Variants in CDH7 observed in about 807,000 individuals in gnomAD.
The protein encoded by CDH7 is cadherin-7.
CDH7 carries 25 observed loss-of-function variants against 71.8 expected under a neutral mutation model. The observed-to-expected ratio is 0.35, with a 90% CI of 0.25 to 0.49. The LOEUF (loss-of-function observed/expected upper bound fraction) is 0.49. Ranked by LOEUF, CDH7 falls within the 20% of genes least tolerant of loss-of-function variation. CDH7 has a pLI of 0.99. For missense variants in CDH7, 862 were observed against 974.6 expected (o/e 0.88, Z 1.54); for synonymous variants, 381 against 363.8 (o/e 1.05, Z -0.54).
At chr18:65,830,842 C>T (rs1384912750) in intron 6 of CDH7, among the ~76,000 whole-genome samples, 1 of 150,652 alleles carries the variant, frequency 6.6e-6, no homozygotes. Context: ...TAGCTCTTGG[C>T]TGTTTATTTT....
chr18:65,845,515 A>T (rs1247315669), intron 7 of CDH7, among the ~76,000 whole-genome samples: 1 of 152,092 alleles, frequency 6.6e-6, no homozygotes, highest in African/African-American at 2.4e-5. Context: ...ATACCAAGTT[A>T]TATTAATTGG....
chr18:65,841,365 A>T (rs1912725870), intron 6 of CDH7, among the ~76,000 whole-genome samples: 1 of 152,218 alleles, frequency 6.6e-6, no homozygotes, highest in African/African-American at 2.4e-5. Context: ...TTACTTGAAT[A>T]CAGAAATACT....
intron 7 of CDH7, among the ~76,000 whole-genome samples, chr18:65,855,567 A>AAAT (rs1358086108): frequency 2.6e-5 from 4 of 152,142 alleles, no homozygotes; most frequent in African/African-American, 9.7e-5. Flanking sequence ...TAGATAACCT[A>AAAT]AATAATCCCA....
intron 4 of CDH7, 34 bp downstream of exon 4, chr18:65,814,638 A>G (rs369508548): frequency 4.4e-6 from 7 of 1,581,004 alleles, no homozygotes; most frequent in South Asian, 2.3e-5. Context: ...TTGTAAAGTC[A>G]TCATTTGTTT....
rs200932522 is a variant in CDH7 at position 65,782,020 on chromosome 18, C to T, written c.210+18968C>T. The stretch of plus-strand genomic sequence containing the variant: ...TTTCTCTCTTTCTCTCTTTCTCTCT[C>T]TCTTTCTCCCTTCCTTCCTTCCTTC... On this transcript the variant is annotated intron_variant, in intron 2 of 11. Coordinates refer to ENST00000397968, the MANE Select transcript of CDH7 (RefSeq NM_004361.5). Among the ~76,000 whole-genome samples the T allele has an allele frequency of 7.9e-3, 368 of 46,754 alleles. 39 individuals are homozygous for T. Among genetic ancestry groups the T allele is most frequent in the African/African-American group, 0.011 (57 of 5,300 alleles). 30.7% of individuals were successfully genotyped at this position (46,754 alleles called of 152,430 possible).
At chr18:65,809,613 A>T (rs1911449405) in intron 2 of CDH7, 91 bp from the exon 3 acceptor site, 16 of 1,061,964 alleles carry the variant, frequency 1.5e-5, no homozygotes, top group Non-Finnish European at 2.8e-6. Context: ...AATTTCATGT[A>T]CTCCTGCCTG....
chr18:65,793,354 G>A (rs1170704978), intron 2 of CDH7, among the ~76,000 whole-genome samples: 1 of 150,968 alleles, frequency 6.6e-6, no homozygotes, highest in Non-Finnish European at 1.5e-5. Context: ...GATTGCTTGA[G>A]TCTGAGAGGT....
chr18:65,843,930 T>C lies in CDH7; in HGVS notation c.1100T>C (p.Ile367Thr), dbSNP rs760274593. 5.6e-6 allele frequency: 9 copies of C among 1,610,828 alleles called. No individual in the cohort carries two copies. The Admixed American group carries it at 8.4e-5, about 15-fold the overall frequency. ...PFSDTTTVKI[I>T]VEDVDEPPVF... ...AGTGACACGACAACTGTGAAGATAA[T>C]TGTGGAAGATGTAGATGAGCCCCCT... The change falls in exon 7 of 12, where the codon ATT becomes ACT. Residue 367 changes from isoleucine to threonine, a missense_variant. Transcript: ENST00000397968.
chr18:65,840,400 C>T (rs1479445890), intron 6 of CDH7, among the ~76,000 whole-genome samples: 1 of 86,572 alleles, frequency 1.2e-5, no homozygotes. Flanking sequence ...AGAGAAGCAG[C>T]GCTTTTTTTT....
intron 4 of CDH7, among the ~76,000 whole-genome samples, chr18:65,818,051 A>G (rs1435911356): frequency 1.3e-5 from 2 of 152,010 alleles, no homozygotes; most frequent in Non-Finnish European, 2.9e-5. Context: ...CTAAAATTCT[A>G]CAAATATGTA....
In CDH7 at chr18:65,885,713, T is replaced by C. The variant is rs899560808; in HGVS notation, c.*4819T>C. 1.3e-5 allele frequency: 2 copies of C among 152,054 alleles called. No individual in the cohort carries two copies. The highest frequency in any genetic ancestry group is 6.5e-5 in the Admixed American group (1 of 15,272). 9.4% of individuals were successfully genotyped at this position (152,054 alleles called of 1,614,324 possible). A position where few individuals can be genotyped will look rare whatever the true frequency, so the allele number is the denominator to read the frequency against. The stretch of plus-strand genomic sequence containing the variant: ...GTGATTGGGAACCTTGAGAGATGTA[T>C]CTGAAGTAATGTAAAAATAAGAGTC... On this transcript the variant is annotated 3_prime_UTR_variant, in exon 12 of 12. Coordinates refer to ENST00000397968, the MANE Select transcript of CDH7 (RefSeq NM_004361.5).
At chr18:65,781,850 CTTTCTTTCTTTCTT>C (rs370844096) in intron 2 of CDH7, among the ~76,000 whole-genome samples, 1,186 of 90,992 alleles carry the variant, frequency 0.013, 106 homozygotes, top group African/African-American at 0.069. Flanking sequence ...TTCTTTCTTT[CTTTCTTTCTTTCTT>C]TCTCTCTCTC....
chr18:65,786,711 T>A (rs1414732727), intron 2 of CDH7, among the ~76,000 whole-genome samples: 4 of 152,144 alleles, frequency 2.6e-5, no homozygotes, highest in Admixed American at 1.3e-4. Flanking sequence ...TGAGATAAGA[T>A]CTTGCTTTGT....
At chr18:65,805,704 CA>C (rs1042078465) in intron 2 of CDH7, among the ~76,000 whole-genome samples, 6 of 152,172 alleles carry the variant, frequency 3.9e-5, no homozygotes, top group Admixed American at 1.3e-4. Context: ...GGGCCATGCC[CA>C]GGGGCCGATC....
chr18:65,824,943 A>C (rs921282979), intron 6 of CDH7, 112 bp downstream of exon 6: 1 of 619,700 alleles, frequency 1.6e-6, no homozygotes, highest in Non-Finnish European at 2.6e-6. Flanking sequence ...TACTATTTTA[A>C]TTTTAGTAAG....
At chr18:65,806,398 A>AT (rs139863872) in intron 2 of CDH7, among the ~76,000 whole-genome samples, 6,479 of 149,660 alleles carry the variant, frequency 0.043, 258 homozygotes, top group African/African-American at 0.1. Context: ...ATTAATAGAG[A>AT]TTTTTTTTTT....
intron 2 of CDH7, among the ~76,000 whole-genome samples, chr18:65,799,297 C>T (rs995536708): frequency 2.0e-5 from 3 of 152,070 alleles, no homozygotes; most frequent in African/African-American, 7.2e-5. Context: ...ATGGGGCAGA[C>T]ATACCTTGTG....
chr18:65,868,162 C>A (rs1276976666), intron 11 of CDH7, among the ~76,000 whole-genome samples: 11 of 152,184 alleles, frequency 7.2e-5, no homozygotes, highest in Admixed American at 7.2e-4. Context: ...TAATAATGTG[C>A]AGACTACTGT....
At chr18:65,824,907 C>A in intron 6 of CDH7, 76 bp downstream of exon 6, 1 of 957,818 alleles carries the variant, frequency 1.0e-6, no homozygotes, top group Non-Finnish European at 1.5e-6. Flanking sequence ...ATGTACTAGA[C>A]AAACCGAATG....
Sources: gnomAD v4.1 joint callset for allele counts (sites outside exome capture counted in the v4.1 genomes callset) on GRCh38, gnomAD v4.1.1 for gene constraint, MANE v1.5 for transcripts, NCBI Gene and HGNC (gene_info 2026-07-23, HGNC 2026-07-21) for gene names.